GPAT3: variants seen among roughly 807,000 people sequenced by gnomAD.
The protein encoded by GPAT3 is 1-AGP acyltransferase 9.
In GPAT3, 53 loss-of-function variants were observed where a neutral mutation model predicts 58.8. The observed-to-expected ratio is 0.90, with a 90% confidence interval of 0.72 to 1.13. The LOEUF (loss-of-function observed/expected upper bound fraction) is 1.13, where lower values mean the gene tolerates loss of function less well. Among genes scored for constraint, GPAT3 ranks in the 50% most tolerant of loss-of-function variants. The pLI is 0.00. For missense variants in GPAT3, 511 were observed against 527.6 expected, an observed-to-expected ratio of 0.97 and a Z score of 0.31; for synonymous variants, 197 against 187.4, an observed-to-expected ratio of 1.05 and a Z score of -0.42.
At chr4:83,555,637 A>C (rs931889041) in intron 2 of GPAT3, among the ~76,000 whole-genome samples, 1 of 152,212 alleles carries the variant, frequency 6.6e-6, no homozygotes, top group African/African-American at 2.4e-5. Context: ...ACTAGTAAGT[A>C]AAGTGTTTCC....
chr4:83,591,338 A>G (rs1269478621), intron 6 of GPAT3, among the ~76,000 whole-genome samples: 1 of 152,182 alleles, frequency 6.6e-6, no homozygotes, highest in East Asian at 1.9e-4. Context: ...CATGTGTTTA[A>G]TCTGTCTAAA....
At chr4:83,542,632 T>A (rs909142710) in intron 1 of GPAT3, among the ~76,000 whole-genome samples, 5 of 152,222 alleles carry the variant, frequency 3.3e-5, no homozygotes, top group African/African-American at 1.2e-4. Context: ...TTGAAAAAAA[T>A]TTTAACCTCT....
intron 7 of GPAT3, 64 bp from the exon 8 acceptor site, chr4:83,596,794 A>G: frequency 7.8e-7 from 1 of 1,284,576 alleles, no homozygotes; most frequent in Non-Finnish European, 1.1e-6. Flanking sequence ...TGCAAGGAAT[A>G]TCAAAAAGGA....
chr4:83,562,210 AT>A (rs1197093586), intron 2 of GPAT3, among the ~76,000 whole-genome samples: 610 of 23,658 alleles, frequency 0.026, 12 homozygotes, highest in African/African-American at 0.16. Flanking sequence ...ATATATATAT[AT>A]TATATATATA....
chr4:83,576,713 G>A (rs1290252944), intron 2 of GPAT3, among the ~76,000 whole-genome samples: 1 of 151,846 alleles, frequency 6.6e-6, no homozygotes, highest in African/African-American at 2.4e-5. Flanking sequence ...CAAAGTACTG[G>A]GATTACAGAT....
chr4:83,586,951 A>G (rs1726396398), intron 3 of GPAT3, among the ~76,000 whole-genome samples: 1 of 152,182 alleles, frequency 6.6e-6, no homozygotes, highest in African/African-American at 2.4e-5. Flanking sequence ...GTTTTGTGAA[A>G]ATTTCCAGGC....
In GPAT3 at chr4:83,536,347, G is replaced by C. The variant is rs968691424; in HGVS notation, c.-276G>C. ...CCCGCAGCTCCGACCACTGGCTCGC[G>C]CTACCCAGGTCTCCGCACGCCGCGG... On this transcript the variant is annotated 5_prime_UTR_variant, in exon 1 of 12. Transcript: ENST00000264409. The C allele has an allele frequency of 2.6e-6, 3 of 1,174,948 alleles. No individual in the cohort carries two copies. In the East Asian group the frequency reaches 1.3e-4, roughly 50 times the overall value. 72.8% of individuals were successfully genotyped at this position (1,174,948 alleles called of 1,614,324 possible).
chr4:83,578,459 CGTT>C lies in GPAT3; in HGVS notation c.209-3099_209-3097del, dbSNP rs371163610. 1.4e-4 allele frequency among the ~76,000 whole-genome samples: 22 copies of C among 152,110 alleles called. No homozygotes were observed. In the East Asian group the frequency reaches 3.7e-3, roughly 25 times the overall value. On this transcript the variant is annotated intron_variant, in intron 2 of 11. Coordinates refer to ENST00000264409, the MANE Select transcript of GPAT3 (RefSeq NM_032717.5). ...AAGTGTGTAGGGGCTGGAGGGCTGG[CGTT>C]GTTTGCAGATCTCTTCTCTCTTGGC...
intron 6 of GPAT3, among the ~76,000 whole-genome samples, chr4:83,593,399 C>T (rs1726685048): frequency 6.6e-6 from 1 of 152,066 alleles, no homozygotes; most frequent in African/African-American, 2.4e-5. Flanking sequence ...CTCCTGACCT[C>T]AAGTAATCCT....
intron 2 of GPAT3, among the ~76,000 whole-genome samples, chr4:83,572,783 A>G (rs930144787): frequency 6.6e-6 from 1 of 152,262 alleles, no homozygotes; most frequent in Non-Finnish European, 1.5e-5. Context: ...GAAGGGAAGC[A>G]GTGATAATCA....
intron 5 of GPAT3, 53 bp from the exon 6 acceptor site, chr4:83,590,146 C>A: frequency 6.7e-7 from 1 of 1,502,016 alleles, no homozygotes; most frequent in Non-Finnish European, 9.2e-7. Flanking sequence ...TGAGTATTTA[C>A]ATGCTGTGGC....
At position 83,536,590 on chromosome 4, in the gene GPAT3, C is replaced by T. The variant is rs1215357918; in HGVS notation, c.-33C>T. On this transcript the variant is annotated 5_prime_UTR_variant, in exon 1 of 12. Transcript: ENST00000264409. ...GACTGCTGTGGCGCTCGGCCCTCCA[C>T]TGCGGACCTCTCCTGAGTGGGTGCG... The T allele has an allele frequency of 1.6e-5, 25 of 1,604,686 alleles. No homozygotes were observed. The highest frequency in any genetic ancestry group is 1.9e-5 in the Non-Finnish European group (22 of 1,175,692).
chr4:83,575,118 C>T (rs530264321), intron 2 of GPAT3, among the ~76,000 whole-genome samples: 2 of 151,978 alleles, frequency 1.3e-5, no homozygotes, highest in African/African-American at 2.4e-5. Context: ...CCTCGTGATC[C>T]GCCCGCCTCG....
intron 2 of GPAT3, among the ~76,000 whole-genome samples, chr4:83,567,162 CT>C (rs1403150481): frequency 2.6e-5 from 4 of 151,504 alleles, no homozygotes; most frequent in African/African-American, 9.7e-5. Flanking sequence ...TTTCTCTTGT[CT>C]GGTTGTGCTG....
chr4:83,568,728 C>G (rs1268598003), intron 2 of GPAT3, among the ~76,000 whole-genome samples: 1 of 151,936 alleles, frequency 6.6e-6, no homozygotes, highest in Non-Finnish European at 1.5e-5. Context: ...AGGATAGGCT[C>G]GATCTCCTGA....
At chr4:83,562,225 A>ATAATATATATATATAATATAT in intron 2 of GPAT3, among the ~76,000 whole-genome samples, 1 of 61,418 alleles carries the variant, frequency 1.6e-5, no homozygotes, top group African/African-American at 7.8e-5. Flanking sequence ...ATATATATAT[A>ATAATATATATATATAATATAT]ATATATATAT....
rs1727196440 is a variant in GPAT3, at chr4:83,604,814, GA to G, written c.*49del. On this transcript the variant is annotated 3_prime_UTR_variant, in exon 12 of 12. Transcript: ENST00000264409. The stretch of plus-strand genomic sequence containing the variant: ...GATCTAGAACTAGCCCTTAGAAATG[GA>G]ATGGCTTTTTTTGTTTTGTTTTGTT... The G allele has an allele frequency of 7.1e-7, 1 of 1,416,682 alleles. No individual in the cohort carries two copies. Among genetic ancestry groups the G allele is most frequent in the Non-Finnish European group, 9.7e-7 (1 of 1,035,602 alleles). 87.8% of individuals were successfully genotyped at this position (1,416,682 alleles called of 1,614,324 possible).
intron 2 of GPAT3, among the ~76,000 whole-genome samples, chr4:83,564,137 C>G (rs1161414941): frequency 6.6e-6 from 1 of 152,110 alleles, no homozygotes; most frequent in East Asian, 1.9e-4. Flanking sequence ...GCTATGAGTT[C>G]CCACTAGGAG....
chr4:83,594,908 C>T lies in GPAT3; in HGVS notation c.802C>T (p.His268Tyr), dbSNP rs768027882. Residue 268 changes from histidine to tyrosine, a missense_variant, in exon 7 of 12, where the codon CAT becomes TAT. His to Tyr is a moderately conservative substitution (Grantham distance 83). Transcript: ENST00000264409. ...IQRAMVKACP[H>Y]VWFERSEMKD... ...GAGAGCTATGGTCAAGGCTTGTCCT[C>T]ATGTCTGGTTTGAACGCTCAGAAAT... 10 of 1,613,972 alleles carry T rather than the reference C, an allele frequency of 6.2e-6. No individual in the cohort carries two copies. In the Admixed American group the frequency reaches 1.5e-4, roughly 24 times the overall value.
Sources: gnomAD v4.1 joint callset for allele counts (sites outside exome capture counted in the v4.1 genomes callset) on GRCh38, gnomAD v4.1.1 for gene constraint, MANE v1.5 for transcripts, NCBI Gene and HGNC (gene_info 2026-07-23, HGNC 2026-07-21) for gene names.